Variants in MYLK observed in about 807,000 individuals in gnomAD.
The protein encoded by MYLK is myosin light chain kinase, smooth muscle.
A neutral mutation model predicts 203.4 loss-of-function variants in MYLK; 106 were observed. The ratio of observed to expected loss-of-function variants is 0.52; its 90% CI spans 0.45 to 0.61. The LOEUF is 0.61. Ranked by LOEUF, MYLK falls within the 20% of genes least tolerant of loss-of-function variation. The pLI is 0.00. For synonymous variants in MYLK, 867 were observed against 959.5 expected (o/e 0.90, Z 1.78); for missense variants, 2,072 against 2,442.3 (o/e 0.85, Z 3.20).
intron 4 of MYLK, among the ~76,000 whole-genome samples, chr3:123,753,341 T>C (rs961702555): frequency 2.0e-5 from 3 of 152,246 alleles, no homozygotes; most frequent in Admixed American, 2.0e-4. Context: ...TACAATTACA[T>C]CCAGGCCTTG....
chr3:123,876,732 A>G (rs1035882612), intron 1 of MYLK, 115 bp from the exon 2 acceptor site: 6 of 152,306 alleles, frequency 3.9e-5, no homozygotes, highest in African/African-American at 7.2e-5. Flanking sequence ...TGACCCCACC[A>G]AGGTAGTCTG....
At chr3:123,830,460 T>A (rs1038839345) in intron 3 of MYLK, among the ~76,000 whole-genome samples, 6 of 152,228 alleles carry the variant, frequency 3.9e-5, no homozygotes, top group Non-Finnish European at 7.3e-5. Context: ...CTTCGATATG[T>A]CTTTCAAAGT....
chr3:123,674,938 G>A (rs534113927), intron 20 of MYLK, among the ~76,000 whole-genome samples: 1 of 152,332 alleles, frequency 6.6e-6, no homozygotes, highest in South Asian at 2.1e-4. Flanking sequence ...CAAGCTTCTG[G>A]GGACAAGGAT....
At chr3:123,698,425 C>T (rs1249592132) in intron 18 of MYLK, among the ~76,000 whole-genome samples, 5 of 152,124 alleles carry the variant, frequency 3.3e-5, no homozygotes, top group East Asian at 1.9e-4. Context: ...GAGAGATCAC[C>T]GTAGGGTGAC....
Position 123,614,200 on chromosome 3 carries a change from C to T in MYLK, c.5650G>A (p.Ala1884Thr), listed in dbSNP as rs149339426. 5 of 1,614,118 alleles carry T rather than the reference C, an allele frequency of 3.1e-6. No homozygotes were observed. Among genetic ancestry groups the T allele is most frequent in the Non-Finnish European group, 4.2e-6 (5 of 1,180,020 alleles). Residue 1884 changes from alanine to threonine, a missense_variant, in exon 34 of 34, where the codon GCT becomes ACT. Transcript: ENST00000360304. ...GDDDAKYTCK[A>T]VNSLGEATCT... The stretch of plus-strand genomic sequence containing the variant: ...GTGGCTTCTCCAAGACTGTTGACAG[C>T]CTTGCAGGTGTACTTGGCATCGTCA...
chr3:123,633,843 G>A (rs1034951079), intron 29 of MYLK, among the ~76,000 whole-genome samples: 1 of 152,250 alleles, frequency 6.6e-6, no homozygotes, highest in African/African-American at 2.4e-5. Flanking sequence ...GTGTGTGTGT[G>A]CGTGTATGTG....
chr3:123,635,449 C>T (rs2058606366), intron 29 of MYLK, among the ~76,000 whole-genome samples: 1 of 152,178 alleles, frequency 6.6e-6, no homozygotes, highest in Non-Finnish European at 1.5e-5. Context: ...GGCAGTGGCT[C>T]ACAGTGGGGG....
In MYLK at chr3:123,700,066, G is replaced by C. The variant is rs865358; in HGVS notation, c.3402C>G (p.Asn1134Lys). 1 of 1,613,904 alleles carries C rather than the reference G, an allele frequency of 6.2e-7. No homozygotes were observed. The highest frequency in any genetic ancestry group is 1.3e-5 in the African/African-American group (1 of 74,870). ...DPPATIIWTL[N>K]GKTLKTTKFI... The stretch of plus-strand genomic sequence containing the variant: ...ACTTGGTGGTCTTGAGGGTCTTTCC[G>C]TTCAGCGTCCAGATGATGGTGGCTG... The change falls in exon 18 of 34, where the codon AAC becomes AAG. Residue 1134 changes from asparagine (N) to lysine (K), a missense_variant. By Grantham distance (94) the Asn-to-Lys change is moderately conservative. Coordinates refer to ENST00000360304, the MANE Select transcript of MYLK (RefSeq NM_053025.4).
In MYLK at chr3:123,638,270, G is replaced by A. The variant is rs1038608898; in HGVS notation, c.4838-76C>T. The A allele has an allele frequency of 6.6e-5, 106 of 1,603,046 alleles. 2 individuals carry two copies. The Middle Eastern group carries it at 1.5e-3, about 23-fold the overall frequency. Reference sequence around the variant, plus strand: ...TTGAGACCAGCAGCTGCCCGAATCTGTGTGTTGACCCCAACCTGGGAGGGG... The same window carrying A: ...TTGAGACCAGCAGCTGCCCGAATCTATGTGTTGACCCCAACCTGGGAGGGG... On this transcript the variant is annotated intron_variant, in intron 28 of 33. Coordinates refer to ENST00000360304, the MANE Select transcript of MYLK (RefSeq NM_053025.4).
chr3:123,734,112 T>G lies in MYLK; in HGVS notation c.884A>C (p.Lys295Thr), dbSNP rs755250257. 4 of 1,602,440 alleles carry G rather than the reference T, an allele frequency of 2.5e-6. No individual in the cohort carries two copies. In the Admixed American group the frequency reaches 6.7e-5, roughly 27 times the overall value. ...ACCTCTCTGGGGGCTGGAGCAGTTC[T>G]TGCTTTTGGCTGCAGCCTCCAGACT... ...LDSLEAAAKS[K>T]NCSSPQRGGS... The change falls in exon 10 of 34, where the codon AAG becomes ACG. Residue 295 changes from lysine to threonine, a missense_variant. Physicochemically the swap from Lys to Thr is moderately conservative, Grantham distance 78. Transcript: ENST00000360304.
chr3:123,613,958 G>C lies in MYLK; in HGVS notation c.*147C>G. 9.2e-6 allele frequency: 9 copies of C among 981,510 alleles called. No homozygotes were observed. Among genetic ancestry groups the C allele is most frequent in the Non-Finnish European group, 1.4e-5 (9 of 644,130 alleles). 60.8% of individuals were successfully genotyped at this position (981,510 alleles called of 1,614,324 possible). On this transcript the variant is annotated 3_prime_UTR_variant, in exon 34 of 34. Coordinates refer to ENST00000360304, the MANE Select transcript of MYLK (RefSeq NM_053025.4). ...ATAACGCTGCTAGGTATCAACTGCT[G>C]TTTCTGAAGAATCAACCCACAAATG...
chr3:123,657,138 C>G lies in MYLK; in HGVS notation c.4276G>C (p.Glu1426Gln), dbSNP rs773390077. Residue 1426 changes from glutamate to glutamine, a missense_variant, in exon 24 of 34, where the codon GAG (glutamate) becomes CAG (glutamine). Transcript: ENST00000360304. ...SQESELTTVG[E>Q]KPEEPKDEVE... ...GATGGCAGCCTACCTTCAGGTTTCT[C>G]TCCTACCGTTGTGAGTTCAGACTCC... The G allele has an allele frequency of 6.2e-7, 1 of 1,614,202 alleles. No homozygotes were observed. The highest frequency in any genetic ancestry group is 1.7e-5 in the Admixed American group (1 of 60,022).
At chr3:123,628,534 C>G (rs2107993868) in intron 30 of MYLK, among the ~76,000 whole-genome samples, 1 of 152,338 alleles carries the variant, frequency 6.6e-6, no homozygotes, top group Admixed American at 6.5e-5. Context: ...TACAGTCAGG[C>G]CCTGCCTCAT....
chr3:123,701,570 T>G, intron 16 of MYLK, 61 bp from the exon 17 acceptor site: 1 of 1,547,780 alleles, frequency 6.5e-7, no homozygotes, highest in Non-Finnish European at 8.9e-7. Flanking sequence ...GCCTGTTCAG[T>G]GTGGACTTGA....
chr3:123,806,513 G>A (rs1004021107), intron 3 of MYLK, among the ~76,000 whole-genome samples: 2 of 152,176 alleles, frequency 1.3e-5, no homozygotes, highest in Non-Finnish European at 2.9e-5. Context: ...ACTAGCTTGT[G>A]GAGGGCCTAG....
chr3:123,860,090 T>C (rs1560297511), intron 2 of MYLK, among the ~76,000 whole-genome samples: 2 of 152,186 alleles, frequency 1.3e-5, no homozygotes, highest in Non-Finnish European at 2.9e-5. Context: ...AGTATATACT[T>C]TCTGAAGAAG....
At chr3:123,746,718 A>C (rs1020745423) in intron 5 of MYLK, among the ~76,000 whole-genome samples, 7 of 152,360 alleles carry the variant, frequency 4.6e-5, no homozygotes, top group Admixed American at 3.9e-4. Flanking sequence ...CAAAAAGAAT[A>C]ATTTCCCTTT....
chr3:123,725,890 A>G, intron 12 of MYLK, 54 bp downstream of exon 12: 1 of 1,592,354 alleles, frequency 6.3e-7, no homozygotes, highest in East Asian at 2.2e-5. Context: ...GAATTCAGGC[A>G]GCGCCAAAGG....
At chr3:123,829,288 C>T (rs1024045103) in intron 3 of MYLK, among the ~76,000 whole-genome samples, 4 of 152,018 alleles carry the variant, frequency 2.6e-5, no homozygotes, top group African/African-American at 7.2e-5. Flanking sequence ...CTGCCATTTG[C>T]GGCAACACGG....
Sources: gnomAD v4.1 joint callset for allele counts (sites outside exome capture counted in the v4.1 genomes callset) on GRCh38, gnomAD v4.1.1 for gene constraint, MANE v1.5 for transcripts, NCBI Gene and HGNC (gene_info 2026-07-23, HGNC 2026-07-21) for gene names.